The following PTK2 variants were observed in gnomAD, a reference collection of about 807,000 sequenced individuals.
PTK2 encodes the protein focal adhesion kinase 1.
A neutral mutation model predicts 150.1 loss-of-function variants in PTK2; 45 were observed. The ratio of observed to expected loss-of-function variants is 0.30; its 90% CI spans 0.24 to 0.38. The LOEUF (loss-of-function observed/expected upper bound fraction) is 0.38, where lower values mean the gene tolerates loss of function less well. PTK2 is among the 10% of genes least tolerant of loss of function. The pLI is 1.00. For missense variants in PTK2, 919 were observed against 1,307.3 expected, an observed-to-expected ratio of 0.70 and a Z score of 4.58; for synonymous variants, 432 against 449.2, an observed-to-expected ratio of 0.96 and a Z score of 0.48.
intron 7 of PTK2, among the ~76,000 whole-genome samples, chr8:140,835,667 TG>T (rs1420058458): frequency 3.3e-5 from 5 of 152,180 alleles, no homozygotes; most frequent in Non-Finnish European, 7.3e-5. Context: ...GTAGCAGGTA[TG>T]GCTATGCGAC....
At chr8:141,000,716 C>T (rs1399355733) in intron 1 of PTK2, among the ~76,000 whole-genome samples, 5 of 148,722 alleles carry the variant, frequency 3.4e-5, no homozygotes, top group African/African-American at 9.9e-5. Context: ...CCACGTCCCC[C>T]AGCCTTTCTG....
chr8:140,742,257 T>C (rs962187459), intron 20 of PTK2, among the ~76,000 whole-genome samples: 1 of 152,226 alleles, frequency 6.6e-6, no homozygotes, highest in Admixed American at 6.5e-5. Context: ...CAGCCGCATC[T>C]GGTGTAAGAT....
At chr8:140,884,340 T>C (rs1236778547) in intron 3 of PTK2, among the ~76,000 whole-genome samples, 1 of 152,176 alleles carries the variant, frequency 6.6e-6, no homozygotes, top group Admixed American at 6.5e-5. Context: ...AAAGCTTTCC[T>C]TTCTAGCTTT....
chr8:140,669,125 G>C (rs1377713295), intron 29 of PTK2: 1 of 151,946 alleles, frequency 6.6e-6, no homozygotes, highest in Non-Finnish European at 1.5e-5. Flanking sequence ...CTGTGATCAG[G>C]GAAGATGAGG....
intron 10 of PTK2, among the ~76,000 whole-genome samples, chr8:140,805,404 C>G (rs1418607448): frequency 1.3e-5 from 2 of 151,856 alleles, no homozygotes; most frequent in African/African-American, 4.8e-5. Context: ...ACTAAAAATA[C>G]AAAAATTAGC....
At chr8:140,957,381 C>T (rs570571365) in intron 1 of PTK2, among the ~76,000 whole-genome samples, 1 of 152,188 alleles carries the variant, frequency 6.6e-6, no homozygotes, top group Admixed American at 6.5e-5. Context: ...TACTGCTGTA[C>T]AATGTGCCTC....
chr8:140,723,367 T>C (rs1446552806), intron 22 of PTK2, among the ~76,000 whole-genome samples: 6 of 152,162 alleles, frequency 3.9e-5, no homozygotes, highest in Non-Finnish European at 8.8e-5. Context: ...ATACCCAAAA[T>C]AGCCTGTCAA....
chr8:140,830,806 A>T (rs1483796396), intron 7 of PTK2, among the ~76,000 whole-genome samples: 1 of 152,190 alleles, frequency 6.6e-6, no homozygotes, highest in African/African-American at 2.4e-5. Flanking sequence ...CTCTTCTAAA[A>T]TATTCCCTCT....
At chr8:140,669,823 C>A in intron 29 of PTK2, 88 bp from the exon 33 acceptor site, 2 of 1,381,198 alleles carry the variant, frequency 1.4e-6, no homozygotes, top group Non-Finnish European at 2.0e-6. Context: ...AGGCATAAGA[C>A]AAATCCCCCA....
At chr8:140,987,326 G>A (rs919121862) in intron 1 of PTK2, among the ~76,000 whole-genome samples, 12 of 152,112 alleles carry the variant, frequency 7.9e-5, no homozygotes, top group South Asian at 4.2e-4. Context: ...AATTACAAGC[G>A]TCCGCCACCA....
chr8:140,663,068 G>C (rs2083117288), intron 31 of PTK2: 4 of 280,568 alleles, frequency 1.4e-5, no homozygotes, highest in Non-Finnish European at 2.6e-5. Context: ...TGCAGAGTGG[G>C]ACAGTGCATT....
At chr8:140,702,707 C>G (rs1437094978) in exon 25 of PTK2, 12 of 1,613,490 alleles carry the variant, frequency 7.4e-6, no homozygotes, top group Admixed American at 1.7e-5. Flanking sequence ...TAGCCAGAAA[C>G]CTGTGAATGA....
chr8:140,815,739 T>C (rs2100104330), intron 10 of PTK2, among the ~76,000 whole-genome samples: 1 of 152,098 alleles, frequency 6.6e-6, no homozygotes, highest in African/African-American at 2.4e-5. Context: ...ATATTATTAA[T>C]TGGCTCAATA....
intron 1 of PTK2, among the ~76,000 whole-genome samples, chr8:140,974,554 G>C (rs1309137235): frequency 6.6e-6 from 1 of 152,204 alleles, no homozygotes; most frequent in Non-Finnish European, 1.5e-5. Context: ...GTTCAACTTA[G>C]AAAACAGTTG....
chr8:140,928,256 C>T (rs1049428690), intron 1 of PTK2, among the ~76,000 whole-genome samples: 1 of 151,904 alleles, frequency 6.6e-6, no homozygotes, highest in Non-Finnish European at 1.5e-5. Flanking sequence ...AATGTTAAAA[C>T]CAACCTAACA....
chr8:140,866,855 G>A (rs2100139614), intron 4 of PTK2, among the ~76,000 whole-genome samples: 1 of 152,018 alleles, frequency 6.6e-6, no homozygotes, highest in Non-Finnish European at 1.5e-5. Flanking sequence ...AAATCAAAGG[G>A]GAATAACAAA....
chr8:140,794,005 C>T (rs867131330), intron 12 of PTK2, among the ~76,000 whole-genome samples: 2 of 152,120 alleles, frequency 1.3e-5, no homozygotes, highest in East Asian at 1.9e-4. Flanking sequence ...CTGAGGACTT[C>T]GTTCAATGGT....
chr8:140,679,633 A>G (rs1472182475), intron 27 of PTK2, among the ~76,000 whole-genome samples: 3 of 152,202 alleles, frequency 2.0e-5, no homozygotes, highest in Non-Finnish European at 4.4e-5. Flanking sequence ...ACTGAGGCTA[A>G]TAACACTTAC....
chr8:140,980,625 A>T (rs2100191062), intron 1 of PTK2, among the ~76,000 whole-genome samples: 2 of 152,156 alleles, frequency 1.3e-5, no homozygotes, highest in Admixed American at 1.3e-4. Flanking sequence ...TCATCTCAAA[A>T]ATATAAAAAA....
Sources: allele counts gnomAD v4.1 joint callset (sites outside exome capture counted in the v4.1 genomes callset), GRCh38; gene constraint gnomAD v4.1.1; transcripts MANE v1.5; gene names NCBI Gene and HGNC (gene_info 2026-07-23, HGNC 2026-07-21).